SRPK2: variants seen among roughly 807,000 people sequenced by gnomAD.
SRPK2 encodes SRSF protein kinase 2.
A neutral mutation model predicts 90.8 loss-of-function variants in SRPK2; 21 were observed. The observed-to-expected ratio is 0.23, with a 90% confidence interval of 0.16 to 0.33. The LOEUF (loss-of-function observed/expected upper bound fraction) is 0.33, where lower values mean the gene tolerates loss of function less well. SRPK2 is among the 10% of genes least tolerant of loss of function. The pLI is 1.00. For synonymous variants in SRPK2, 288 were observed against 311.1 expected, an observed-to-expected ratio of 0.93 and a Z score of 0.78; for missense variants, 620 against 869.0, an observed-to-expected ratio of 0.71 and a Z score of 3.60.
At chr7:105,296,980 A>AT (rs530939644) in intron 2 of SRPK2, among the ~76,000 whole-genome samples, 11 of 152,182 alleles carry the variant, frequency 7.2e-5, no homozygotes, top group South Asian at 2.1e-4. Context: ...GCCTCTCATA[A>AT]TATTTACAGC....
Position 105,379,156 on chromosome 7 carries a change from A to AATAT in SRPK2, c.71+9488_71+9491dup, listed in dbSNP as rs56847291. Among the ~76,000 whole-genome samples, 337 of 150,428 alleles carry AATAT rather than the reference A, an allele frequency of 2.2e-3. 10 individuals carry two copies. In the East Asian group the frequency reaches 0.051, roughly 23 times the overall value. ...AAGCAAGACCCAGTCTCTAAAAAAAAATATATATATATATATAAAGTCAGC... is the reference window on the plus strand; with the variant it reads ...AAGCAAGACCCAGTCTCTAAAAAAAAATATATATATATATATATATAAAGTCAGC... On this transcript the variant is annotated intron_variant, in intron 2 of 15. Coordinates refer to ENST00000393651, the MANE Select transcript of SRPK2 (RefSeq NM_182692.3).
intron 6 of SRPK2, among the ~76,000 whole-genome samples, chr7:105,162,901 G>T (rs1807896899): frequency 6.6e-6 from 1 of 152,192 alleles, no homozygotes; most frequent in South Asian, 2.1e-4. Context: ...CCAAAGAAAT[G>T]TTCTATTAGC....
intron 3 of SRPK2, among the ~76,000 whole-genome samples, chr7:105,199,442 G>T (rs974807974): frequency 2.6e-5 from 4 of 152,116 alleles, no homozygotes; most frequent in African/African-American, 4.8e-5. Flanking sequence ...CACACTACCA[G>T]CCTGGGAAAG....
At chr7:105,192,870 C>T (rs1333041502) in intron 3 of SRPK2, among the ~76,000 whole-genome samples, 1 of 152,078 alleles carries the variant, frequency 6.6e-6, no homozygotes, top group Non-Finnish European at 1.5e-5. Context: ...TATTCATGTC[C>T]TTAGCCCACT....
chr7:105,365,474 C>T (rs1383823225), intron 2 of SRPK2, among the ~76,000 whole-genome samples: 1 of 109,220 alleles, frequency 9.2e-6, no homozygotes, highest in Non-Finnish European at 1.7e-5. Context: ...GCAACAAGAG[C>T]GAAATTCTGT....
At chr7:105,389,423 C>G (rs1226307299), upstream of SRPK2, 1 of 1,203,986 alleles carries the variant, frequency 8.3e-7, no homozygotes, top group Non-Finnish European at 1.1e-6. Context: ...CGACCAAAAG[C>G]TGGGAAACCT....
At chr7:105,371,105 C>T (rs1050812790) in intron 2 of SRPK2, among the ~76,000 whole-genome samples, 2 of 151,954 alleles carry the variant, frequency 1.3e-5, no homozygotes, top group African/African-American at 4.8e-5. Flanking sequence ...AACAGTATCC[C>T]TCAAAAAAGT....
chr7:105,306,801 C>A (rs1361208560), intron 2 of SRPK2, among the ~76,000 whole-genome samples: 1 of 152,084 alleles, frequency 6.6e-6, no homozygotes, highest in East Asian at 1.9e-4. Flanking sequence ...AACACTATTA[C>A]AAGAACATTT....
intron 6 of SRPK2, among the ~76,000 whole-genome samples, chr7:105,161,294 G>T (rs919330285): frequency 3.3e-5 from 5 of 152,156 alleles, no homozygotes; most frequent in Admixed American, 1.3e-4. Flanking sequence ...TATGTAAATA[G>T]TTGTTATACT....
intron 2 of SRPK2, among the ~76,000 whole-genome samples, chr7:105,328,383 G>GA (rs1253988937): frequency 6.6e-6 from 1 of 150,986 alleles, no homozygotes; most frequent in Non-Finnish European, 1.5e-5. Context: ...CAAACATGGT[G>GA]AAACCTCGTG....
chr7:105,307,997 A>G (rs964127032), intron 2 of SRPK2, among the ~76,000 whole-genome samples: 3 of 152,204 alleles, frequency 2.0e-5, no homozygotes, highest in African/African-American at 7.2e-5. Context: ...AACATATGCG[A>G]AAGTATTTTT....
chr7:105,211,278 G>A (rs546552063), intron 2 of SRPK2, among the ~76,000 whole-genome samples: 1 of 152,072 alleles, frequency 6.6e-6, no homozygotes, highest in East Asian at 1.9e-4. Context: ...AATGGCCAGG[G>A]GACTTAAGCT....
intron 2 of SRPK2, among the ~76,000 whole-genome samples, chr7:105,290,326 C>A (rs1046042091): frequency 3.4e-5 from 5 of 149,112 alleles, no homozygotes; most frequent in African/African-American, 2.5e-5. Context: ...AACAAACAAA[C>A]AAAAAATATA....
intron 2 of SRPK2, among the ~76,000 whole-genome samples, chr7:105,340,736 A>G (rs1815667832): frequency 6.6e-6 from 1 of 152,104 alleles, no homozygotes; most frequent in African/African-American, 2.4e-5. Context: ...GAGCCACTGT[A>G]CAAGGCCACA....
At chr7:105,232,876 G>A (rs1450011000) in intron 2 of SRPK2, among the ~76,000 whole-genome samples, 3 of 152,026 alleles carry the variant, frequency 2.0e-5, no homozygotes, top group African/African-American at 4.8e-5. Context: ...AGGTGGGTGT[G>A]GTGGCGGGTG....
Position 105,368,957 on chromosome 7 carries a change from G to A in SRPK2, c.71+19691C>T, listed in dbSNP as rs531016470. On this transcript the variant is annotated intron_variant, in intron 2 of 15. Coordinates refer to ENST00000393651, the MANE Select transcript of SRPK2 (RefSeq NM_182692.3). The stretch of plus-strand genomic sequence containing the variant: ...TTTCCCTCAGTGAAAACATGGAATG[G>A]TTTAGGGCAATGGACTTCAAACTGT... 6.0e-5 allele frequency among the ~76,000 whole-genome samples: 9 copies of A among 150,566 alleles called. No homozygotes were observed. In the South Asian group the frequency reaches 1.5e-3, roughly 25 times the overall value.
chr7:105,261,475 C>T (rs1426315118), intron 2 of SRPK2, among the ~76,000 whole-genome samples: 3 of 151,520 alleles, frequency 2.0e-5, no homozygotes, highest in African/African-American at 7.3e-5. Context: ...GAGCCGAGAT[C>T]GCGCCACTGC....
chr7:105,302,419 T>A (rs1347749425), intron 2 of SRPK2, among the ~76,000 whole-genome samples: 1 of 152,118 alleles, frequency 6.6e-6, no homozygotes, highest in African/African-American at 2.4e-5. Context: ...TTTAAAGGAG[T>A]ATGAAGCCCT....
intron 3 of SRPK2, among the ~76,000 whole-genome samples, chr7:105,170,794 A>AAGGAAGGAAGGAC (rs1563024498): frequency 6.7e-5 from 5 of 74,508 alleles, no homozygotes; most frequent in Non-Finnish European, 1.0e-4. Flanking sequence ...GGAGGGAGGG[A>AAGGAAGGAAGGAC]GGGAGGGAGG....
Sources: allele counts gnomAD v4.1 joint callset (sites outside exome capture counted in the v4.1 genomes callset), GRCh38; gene constraint gnomAD v4.1.1; transcripts MANE v1.5; gene names NCBI Gene and HGNC (gene_info 2026-07-23, HGNC 2026-07-21).